The following ZUP1 variants were observed in gnomAD, a reference collection of about 807,000 sequenced individuals.
ZUP1 encodes the protein zinc finger containing ubiquitin peptidase 1.
In ZUP1, 55 loss-of-function variants were observed where a neutral mutation model predicts 68.1. The observed-to-expected ratio is 0.81, with a 90% confidence interval of 0.65 to 1.01. The LOEUF is 1.01. ZUP1 is among the 50% of genes least tolerant of loss of function. The pLI is 0.00. For missense variants in ZUP1, 684 were observed against 674.9 expected (o/e 1.01, Z -0.15); for synonymous variants, 223 against 221.5 (o/e 1.01, Z -0.06).
chr6:116,643,636 T>A (rs1158838321), intron 9 of ZUP1, among the ~76,000 whole-genome samples: 1 of 152,212 alleles, frequency 6.6e-6, no homozygotes, highest in Non-Finnish European at 1.5e-5. Flanking sequence ...GCTGGCCATA[T>A]GTAGAAAGCT....
chr6:116,642,076 G>C (rs966654288), intron 9 of ZUP1, among the ~76,000 whole-genome samples: 1 of 152,008 alleles, frequency 6.6e-6, no homozygotes, highest in African/African-American at 2.4e-5. Context: ...AAATAAACTA[G>C]AAAATCTAGA....
At chr6:116,660,616 C>T (rs1006489142) in intron 3 of ZUP1, 120 bp downstream of exon 3, 4 of 589,690 alleles carry the variant, frequency 6.8e-6, no homozygotes, top group Non-Finnish European at 1.2e-5. Flanking sequence ...AAATAAAACA[C>T]TTTTAAAGGA....
intron 7 of ZUP1, among the ~76,000 whole-genome samples, chr6:116,648,143 G>T (rs1433997806): frequency 6.6e-6 from 1 of 152,142 alleles, no homozygotes; most frequent in Non-Finnish European, 1.5e-5. Flanking sequence ...ATAGAAAAAT[G>T]TGTGTGTACT....
At chr6:116,652,250 A>G in intron 5 of ZUP1, 58 bp from the exon 6 acceptor site, 1 of 1,369,280 alleles carries the variant, frequency 7.3e-7, no homozygotes, top group Non-Finnish European at 1.0e-6. Flanking sequence ...GCTATCTCAT[A>G]CATTTTTAAT....
rs772025903 is a variant in ZUP1 at position 116,666,948 on chromosome 6, T to A, written c.245A>T (p.Gln82Leu). 6.2e-7 allele frequency: 1 copy of A among 1,613,594 alleles called. No individual in the cohort carries two copies. Among genetic ancestry groups the A allele is most frequent in the African/African-American group, 1.3e-5 (1 of 74,890 alleles). ...ACTTGAATTAACTTCCATTCCACAC[T>A]GTAGGGTGTTGTCTTTCTTGTTATC... is the stretch of plus-strand genomic sequence containing the variant. ...TSDNKKDNTL[Q>L]CGMEVNSSIL... Residue 82 changes from glutamine to leucine, a missense_variant, in exon 2 of 10, where the codon CAG becomes CTG. Coordinates refer to ENST00000368576, the MANE Select transcript of ZUP1 (RefSeq NM_145062.3).
intron 9 of ZUP1, among the ~76,000 whole-genome samples, chr6:116,639,858 GAGA>G (rs1776035391): frequency 6.6e-6 from 1 of 152,332 alleles, no homozygotes; most frequent in East Asian, 1.9e-4. Flanking sequence ...GACAAGTTGA[GAGA>G]AGAAGGCTTC....
chr6:116,642,602 T>C (rs1385525086), intron 9 of ZUP1, among the ~76,000 whole-genome samples: 7 of 152,302 alleles, frequency 4.6e-5, no homozygotes, highest in Admixed American at 1.3e-4. Context: ...ATTATCTCAA[T>C]AGATGCAGAA....
chr6:116,653,515 G>A (rs1306347803), intron 5 of ZUP1, among the ~76,000 whole-genome samples: 1 of 151,966 alleles, frequency 6.6e-6, no homozygotes, highest in Non-Finnish European at 1.5e-5. Context: ...TGAACCAATA[G>A]TTGTAGCTGT....
At chr6:116,642,404 T>C (rs1460152467) in intron 9 of ZUP1, among the ~76,000 whole-genome samples, 5 of 151,988 alleles carry the variant, frequency 3.3e-5, no homozygotes, top group Non-Finnish European at 5.9e-5. Flanking sequence ...TTTAGACCAA[T>C]ATCCTTGATG....
At chr6:116,665,708 T>G (rs895938102) in intron 2 of ZUP1, among the ~76,000 whole-genome samples, 2 of 149,348 alleles carry the variant, frequency 1.3e-5, no homozygotes, top group Non-Finnish European at 3.0e-5. Flanking sequence ...GCCTCCCAAA[T>G]AGCTGGGGCT....
intron 2 of ZUP1, among the ~76,000 whole-genome samples, chr6:116,664,027 T>C (rs80047307): frequency 0.021 from 3,141 of 152,316 alleles, 105 homozygotes; most frequent in African/African-American, 0.072. Flanking sequence ...TGATAGTGTT[T>C]CTATAAAACT....
At chr6:116,645,129 T>A (rs903797198) in intron 9 of ZUP1, among the ~76,000 whole-genome samples, 1 of 141,710 alleles carries the variant, frequency 7.1e-6, no homozygotes, top group Non-Finnish European at 1.6e-5. Flanking sequence ...TGCAAAAAAA[T>A]TAAATTAAAT....
chr6:116,636,231 AAC>A (rs1173572583), intron 9 of ZUP1, among the ~76,000 whole-genome samples: 2 of 152,168 alleles, frequency 1.3e-5, no homozygotes, highest in East Asian at 1.9e-4. Flanking sequence ...AAACTTTATA[AAC>A]ATTATGCATA....
chr6:116,667,055 A>G lies in ZUP1; in HGVS notation c.138T>C (p.Phe46=), dbSNP rs140215598. Residue 46 remains phenylalanine (F), a synonymous_variant, in exon 2 of 10, where the codon TTT becomes TTC. Transcript: ENST00000368576. ...LSGVNYDEMC[F]HIETAHFEQN... ...GCTCAAAATGAGCTGTTTCGATATGAAAACACATTTCATCATAATTCACAC... is the reference window on the plus strand; with the variant it reads ...GCTCAAAATGAGCTGTTTCGATATGGAAACACATTTCATCATAATTCACAC... The G allele has an allele frequency of 3.8e-5, 61 of 1,613,710 alleles. No homozygotes were observed. Among genetic ancestry groups the G allele is most frequent in the Admixed American group, 3.3e-4 (20 of 59,988 alleles).
At chr6:116,643,150 AAGG>A (rs1453618935) in intron 9 of ZUP1, among the ~76,000 whole-genome samples, 2 of 152,296 alleles carry the variant, frequency 1.3e-5, no homozygotes, top group Non-Finnish European at 2.9e-5. Flanking sequence ...GGACCTCTTC[AAGG>A]AGAACTACAA....
chr6:116,645,583 C>CAAAAAA (rs59393240), intron 9 of ZUP1, 131 bp downstream of exon 9: 13 of 430,722 alleles, frequency 3.0e-5, no homozygotes, highest in African/African-American at 1.1e-4. Context: ...ACCCTGTCTC[C>CAAAAAA]AAAAAAAAAA....
intron 4 of ZUP1, among the ~76,000 whole-genome samples, chr6:116,657,515 T>C (rs1488400002): frequency 1.3e-5 from 2 of 152,200 alleles, no homozygotes; most frequent in Admixed American, 1.3e-4. Flanking sequence ...TTCTTTCCTA[T>C]TTTGCAAGTA....
intron 9 of ZUP1, among the ~76,000 whole-genome samples, chr6:116,639,330 G>A (rs1193423823): frequency 1.3e-5 from 2 of 152,206 alleles, no homozygotes; most frequent in Non-Finnish European, 2.9e-5. Context: ...GCTTTGAGGA[G>A]AGCAGTGGTT....
chr6:116,642,830 T>C (rs1262315518), intron 9 of ZUP1, among the ~76,000 whole-genome samples: 3 of 152,152 alleles, frequency 2.0e-5, no homozygotes, highest in Non-Finnish European at 4.4e-5. Flanking sequence ...TTGGAAGTTC[T>C]GGCCAGGGCA....
Sources: allele counts gnomAD v4.1 joint callset (sites outside exome capture counted in the v4.1 genomes callset), GRCh38; gene constraint gnomAD v4.1.1; transcripts MANE v1.5; gene names NCBI Gene and HGNC (gene_info 2026-07-23, HGNC 2026-07-21).